FOCAD: variants seen among roughly 807,000 people sequenced by gnomAD.
FOCAD encodes KIAA1797.
A neutral mutation model predicts 225.6 loss-of-function variants in FOCAD; 198 were observed. The ratio of observed to expected loss-of-function variants is 0.88; its 90% CI spans 0.78 to 0.99. The LOEUF (loss-of-function observed/expected upper bound fraction) is 0.99, where lower values mean the gene tolerates loss of function less well. FOCAD is among the 50% of genes least tolerant of loss of function. The probability of loss-of-function intolerance (pLI) is 0.00; values close to 1 mark genes in which losing one functional copy is unlikely to be tolerated. For synonymous variants in FOCAD, 897 were observed against 755.0 expected (o/e 1.19, Z -3.08); for missense variants, 2,713 against 2,123.6 (o/e 1.28, Z -5.46).
intron 9 of FOCAD, 77 bp downstream of exon 9, chr9:20,778,845 CCTG>C (rs1819066317): frequency 7.0e-6 from 5 of 718,650 alleles, no homozygotes; most frequent in Non-Finnish European, 9.2e-6. Flanking sequence ...AACTATGTAT[CCTG>C]CTATCTTGTG....
intron 2 of FOCAD, among the ~76,000 whole-genome samples, chr9:20,678,128 A>G (rs1444853558): frequency 6.6e-6 from 1 of 152,252 alleles, no homozygotes; most frequent in Non-Finnish European, 1.5e-5. Flanking sequence ...TTGCTGGCTT[A>G]GATCAAACAT....
At chr9:20,696,773 C>G (rs1233128255) in intron 1 of FOCAD, among the ~76,000 whole-genome samples, 2 of 152,018 alleles carry the variant, frequency 1.3e-5, no homozygotes, top group African/African-American at 4.8e-5. Flanking sequence ...CCACTGCACT[C>G]CAGCCTGGGT....
At chr9:20,691,981 G>C (rs996055968) in intron 1 of FOCAD, among the ~76,000 whole-genome samples, 1 of 151,712 alleles carries the variant, frequency 6.6e-6, no homozygotes, top group African/African-American at 2.4e-5. Flanking sequence ...GGCTGATCTC[G>C]AAAAATGATC....
In FOCAD at chr9:20,982,550, T is replaced by A. The variant is rs1587781344; in HGVS notation, c.4728+104T>A. ...TGAAGCAAGTTTTGCTTCATTTTTG[T>A]TATTGGTTAATTTCAGGAAACTATA... is the stretch of plus-strand genomic sequence containing the variant. On this transcript the variant is annotated intron_variant, in intron 39 of 43. Transcript: ENST00000338382. The A allele has an allele frequency of 5.2e-5, 45 of 869,676 alleles. No individual in the cohort carries two copies. The South Asian group carries it at 6.3e-4, about 12-fold the overall frequency. 53.9% of individuals were successfully genotyped at this position (869,676 alleles called of 1,614,324 possible).
In FOCAD at chr9:20,923,751, T is replaced by C; in HGVS notation, c.2944T>C (p.Ser982Pro). 1 of 1,613,652 alleles carries C rather than the reference T, an allele frequency of 6.2e-7. No individual in the cohort carries two copies. Among genetic ancestry groups the C allele is most frequent in the Non-Finnish European group, 8.5e-7 (1 of 1,179,666 alleles). Residue 982 changes from serine to proline, a missense_variant, in exon 25 of 44, where the codon TCT (serine) becomes CCT (proline). Physicochemically the swap from Ser to Pro is moderately conservative, Grantham distance 74. Transcript: ENST00000338382. Reference protein sequence around the residue: ...SRHEASLSSDSDGLLEVQPNF... With the variant: ...SRHEASLSSDPDGLLEVQPNF... ...ACATGAAGCCAGCCTCTCCTCAGACTCTGACGGGCTCCTGGAGGTTAGTTG... is the reference window on the plus strand; with the variant it reads ...ACATGAAGCCAGCCTCTCCTCAGACCCTGACGGGCTCCTGGAGGTTAGTTG...
At chr9:20,709,214 A>T (rs80323315) in intron 1 of FOCAD, among the ~76,000 whole-genome samples, 1 of 152,206 alleles carries the variant, frequency 6.6e-6, no homozygotes, top group Admixed American at 6.5e-5. Flanking sequence ...GTTTTGATTC[A>T]CTGGGAACTT....
In FOCAD at chr9:20,995,693, T is replaced by G; in HGVS notation, c.*64T>G. The G allele has an allele frequency of 6.9e-7, 1 of 1,447,054 alleles. No individual in the cohort carries two copies. 89.6% of individuals were successfully genotyped at this position (1,447,054 alleles called of 1,614,324 possible). ...AGGAAAACCATATAAGTGGAAGAAG[T>G]TTTTCAGAATTCATGCCTGGTATTG... On this transcript the variant is annotated 3_prime_UTR_variant, in exon 44 of 44. Transcript: ENST00000338382.
At chr9:20,695,788 G>C (rs1039720487) in intron 1 of FOCAD, among the ~76,000 whole-genome samples, 1 of 152,230 alleles carries the variant, frequency 6.6e-6, no homozygotes, top group Non-Finnish European at 1.5e-5. Flanking sequence ...ATTGGAAATT[G>C]GATAGGACCT....
intron 28 of FOCAD, among the ~76,000 whole-genome samples, chr9:20,939,831 C>A (rs949797896): frequency 6.6e-5 from 10 of 150,442 alleles, no homozygotes; most frequent in African/African-American, 2.5e-4. Context: ...TATACATGTG[C>A]CATGTTGGTG....
chr9:20,760,739 T>C (rs5018487), intron 6 of FOCAD, among the ~76,000 whole-genome samples: 127,753 of 152,142 alleles, frequency 0.84, 53,757 homozygotes, highest in Admixed American at 0.9. Context: ...AACTGTGAAA[T>C]CTTGAGGGCA....
chr9:20,668,642 C>T (rs1821966090), intron 2 of FOCAD, among the ~76,000 whole-genome samples: 1 of 152,166 alleles, frequency 6.6e-6, no homozygotes, highest in African/African-American at 2.4e-5. Context: ...ATCCATTAGT[C>T]GTAATTGAAT....
upstream of FOCAD, among the ~76,000 whole-genome samples, chr9:20,682,936 G>A (rs975851651): frequency 2.0e-5 from 3 of 152,016 alleles, no homozygotes; most frequent in Non-Finnish European, 4.4e-5. Context: ...ACCCCACGCC[G>A]GGCTAATTTT....
intron 25 of FOCAD, 60 bp downstream of exon 25, chr9:20,923,828 G>T: frequency 7.6e-7 from 1 of 1,308,834 alleles, no homozygotes; most frequent in Non-Finnish European, 1.1e-6. Flanking sequence ...CTGGCTTTAG[G>T]TAGCCTGGCC....
At chr9:20,959,429 G>A (rs1838496698) in intron 35 of FOCAD, among the ~76,000 whole-genome samples, 1 of 151,938 alleles carries the variant, frequency 6.6e-6, no homozygotes, top group East Asian at 1.9e-4. Context: ...TGCATATTCT[G>A]GATATTAGTC....
chr9:20,908,448 T>C (rs762282090), intron 22 of FOCAD, among the ~76,000 whole-genome samples: 5 of 152,122 alleles, frequency 3.3e-5, no homozygotes, highest in Non-Finnish European at 7.4e-5. Context: ...GATTCTGATA[T>C]ATTAGAAGTG....
At chr9:20,950,851 C>A in intron 33 of FOCAD, 145 bp from the exon 34 acceptor site, 1 of 663,990 alleles carries the variant, frequency 1.5e-6, no homozygotes, top group Middle Eastern at 4.1e-4. Flanking sequence ...GTACTAGACA[C>A]ATGATATTAC....
chr9:20,815,630 C>T (rs747890543), intron 11 of FOCAD, among the ~76,000 whole-genome samples: 1 of 151,816 alleles, frequency 6.6e-6, no homozygotes, highest in Non-Finnish European at 1.5e-5. Flanking sequence ...CTTAACAGTC[C>T]CATGATTATA....
intron 26 of FOCAD, chr9:20,927,628 T>A (rs956036833): frequency 1.3e-5 from 2 of 152,154 alleles, no homozygotes; most frequent in Non-Finnish European, 2.9e-5. Context: ...TGGTTTCCTT[T>A]TCCTTTTATT....
chr9:20,712,443 T>G (rs1824932089), intron 1 of FOCAD, among the ~76,000 whole-genome samples: 1 of 152,074 alleles, frequency 6.6e-6, no homozygotes, highest in Non-Finnish European at 1.5e-5. Context: ...GCGGATCACT[T>G]GAGGTCAGGA....
Sources: gnomAD v4.1 joint callset for allele counts (sites outside exome capture counted in the v4.1 genomes callset) on GRCh38, gnomAD v4.1.1 for gene constraint, MANE v1.5 for transcripts, NCBI Gene and HGNC (gene_info 2026-07-23, HGNC 2026-07-21) for gene names.